The following EYS variants were observed in gnomAD, a reference collection of about 807,000 sequenced individuals.
EYS encodes the protein EGF-like photoreceptor maintenance factor, also known as protein eyes shut homolog.
Under a neutral mutation model 282.1 loss-of-function variants are expected in EYS, and 250 were observed. The ratio of observed to expected loss-of-function variants is 0.89; its 90% confidence interval spans 0.80 to 0.98. The LOEUF (loss-of-function observed/expected upper bound fraction) is 0.98. Among genes scored for constraint, EYS ranks in the 50% least tolerant of loss-of-function variants. The pLI, the probability that EYS is intolerant of heterozygous loss-of-function variation, is 0.00. For missense variants in EYS, 4,016 were observed against 3,709.0 expected (o/e 1.08, Z -2.15); for synonymous variants, 1,355 against 1,282.9 (o/e 1.06, Z -1.20).
At chr6:64,374,988 T>C (rs1772518641) in intron 29 of EYS, among the ~76,000 whole-genome samples, 2 of 152,202 alleles carry the variant, frequency 1.3e-5, no homozygotes, top group South Asian at 4.1e-4. Flanking sequence ...CACTGACTCT[T>C]AGCAAAATTG....
chr6:65,370,656 G>GTTCT (rs1562128843), intron 8 of EYS, among the ~76,000 whole-genome samples: 1 of 151,646 alleles, frequency 6.6e-6, no homozygotes, highest in Admixed American at 6.7e-5. Flanking sequence ...CTTTTCCCAT[G>GTTCT]TTCTATGTAT....
At chr6:64,604,097 G>GT (rs1766849851) in intron 24 of EYS, among the ~76,000 whole-genome samples, 1 of 151,722 alleles carries the variant, frequency 6.6e-6, no homozygotes, top group Admixed American at 6.6e-5. Flanking sequence ...TTCGCTCTCT[G>GT]TATCTCTGTC....
At chr6:64,765,372 G>GTA (rs1773290553) in intron 22 of EYS, among the ~76,000 whole-genome samples, 1 of 152,134 alleles carries the variant, frequency 6.6e-6, no homozygotes, top group African/African-American at 2.4e-5. Flanking sequence ...AAGACTCTAG[G>GTA]AAGTTACAAG....
At chr6:64,391,805 G>T (rs1481776088) in intron 28 of EYS, among the ~76,000 whole-genome samples, 2 of 152,140 alleles carry the variant, frequency 1.3e-5, no homozygotes, top group African/African-American at 4.8e-5. Flanking sequence ...TGGGCTAAAT[G>T]CTCCAATTAA....
In EYS at chr6:65,611,276, A is replaced by G. The variant is rs755207134; in HGVS notation, c.-333+28502T>C. ...GAAGAACTGAGAGAATTCAACCTAC[A>G]TAAGTTCATTTTCTGTATAATTGCA... On this transcript the variant is annotated intron_variant, in intron 2 of 42. Coordinates refer to ENST00000503581, the MANE Select transcript of EYS (RefSeq NM_001142800.2). Among the ~76,000 whole-genome samples, 10 of 152,036 alleles carry G rather than the reference A, an allele frequency of 6.6e-5. No homozygotes were observed. The East Asian group carries it at 1.2e-3, about 18-fold the overall frequency.
At chr6:65,483,889 T>G (rs1254964034) in intron 5 of EYS, among the ~76,000 whole-genome samples, 1 of 152,076 alleles carries the variant, frequency 6.6e-6, no homozygotes, top group Non-Finnish European at 1.5e-5. Context: ...AGGAACTCCT[T>G]TTTTTAAAAC....
chr6:65,347,217 A>G (rs1770432219), intron 9 of EYS, among the ~76,000 whole-genome samples: 1 of 151,774 alleles, frequency 6.6e-6, no homozygotes, highest in Non-Finnish European at 1.5e-5. Flanking sequence ...ATATACTTAC[A>G]GTGTTTTTTA....
intron 15 of EYS, among the ~76,000 whole-genome samples, chr6:64,928,525 T>C (rs1768590961): frequency 6.6e-6 from 1 of 152,154 alleles, no homozygotes; most frequent in Non-Finnish European, 1.5e-5. Flanking sequence ...TCATTTCTAA[T>C]GAGCCATTGC....
chr6:63,824,940 C>T (rs986099263), intron 36 of EYS, among the ~76,000 whole-genome samples: 2 of 152,196 alleles, frequency 1.3e-5, no homozygotes, highest in African/African-American at 4.8e-5. Context: ...ATCCCGCTTG[C>T]AGAGTTCACA....
intron 5 of EYS, among the ~76,000 whole-genome samples, chr6:65,478,001 A>C (rs1004821122): frequency 2.0e-5 from 3 of 152,118 alleles, no homozygotes; most frequent in Non-Finnish European, 4.4e-5. Flanking sequence ...GAACATCCCC[A>C]CATCTCATAT....
chr6:65,378,608 A>G (rs933064158), intron 8 of EYS, among the ~76,000 whole-genome samples: 3 of 152,206 alleles, frequency 2.0e-5, no homozygotes, highest in African/African-American at 7.2e-5. Flanking sequence ...GGCACTGTTC[A>G]CAATAGCAAA....
At chr6:65,047,503 T>A (rs752507993) in intron 13 of EYS, among the ~76,000 whole-genome samples, 2 of 152,102 alleles carry the variant, frequency 1.3e-5, no homozygotes, top group African/African-American at 2.4e-5. Flanking sequence ...GATTATATGT[T>A]TCACATTTAA....
At chr6:64,708,005 A>C (rs1771089673) in intron 22 of EYS, among the ~76,000 whole-genome samples, 1 of 152,136 alleles carries the variant, frequency 6.6e-6, no homozygotes, top group Admixed American at 6.5e-5. Context: ...TAAAATAGAA[A>C]TATACAGCAC....
intron 5 of EYS, among the ~76,000 whole-genome samples, chr6:65,455,105 T>A (rs1457819057): frequency 6.6e-6 from 1 of 152,168 alleles, no homozygotes; most frequent in East Asian, 1.9e-4. Context: ...TACAGCCACA[T>A]AACAATACCA....
chr6:65,004,506 C>T (rs1347357734), intron 13 of EYS, among the ~76,000 whole-genome samples: 1 of 147,730 alleles, frequency 6.8e-6, no homozygotes, highest in Non-Finnish European at 1.5e-5. Context: ...CACTCATTGA[C>T]ATTGATCTCA....
chr6:64,534,430 G>A (rs56302765), intron 26 of EYS, among the ~76,000 whole-genome samples: 12,192 of 151,926 alleles, frequency 0.08, 1,374 homozygotes, highest in African/African-American at 0.25. Context: ...TGCCTCAGCA[G>A]GAAGAAATCT....
At chr6:63,921,578 A>G (rs1030601155) in intron 35 of EYS, among the ~76,000 whole-genome samples, 1 of 152,112 alleles carries the variant, frequency 6.6e-6, no homozygotes, top group Non-Finnish European at 1.5e-5. Context: ...GATCTTTGGG[A>G]CTTTGGGCCC....
intron 33 of EYS, among the ~76,000 whole-genome samples, chr6:64,033,404 T>C (rs1040709592): frequency 2.6e-5 from 4 of 152,146 alleles, no homozygotes; most frequent in Non-Finnish European, 5.9e-5. Flanking sequence ...GTGAAACATA[T>C]CAAAGTTTTA....
chr6:65,129,476 A>G (rs956167430), intron 12 of EYS, among the ~76,000 whole-genome samples: 2 of 152,038 alleles, frequency 1.3e-5, no homozygotes, highest in Non-Finnish European at 2.9e-5. Context: ...GCAAAAATCA[A>G]ATAACCCCAT....
Sources: allele counts gnomAD v4.1 joint callset (sites outside exome capture counted in the v4.1 genomes callset), GRCh38; gene constraint gnomAD v4.1.1; transcripts MANE v1.5; gene names NCBI Gene and HGNC (gene_info 2026-07-23, HGNC 2026-07-21).